IGSF5: variants seen among roughly 807,000 people sequenced by gnomAD.
IGSF5 encodes the protein immunoglobulin superfamily member 5.
IGSF5 carries 41 observed loss-of-function variants against 39.4 expected under a neutral mutation model. That is an observed-to-expected ratio of 1.04 (90% CI 0.81 to 1.35). IGSF5 has a LOEUF of 1.35. IGSF5 is among the 40% of genes most tolerant of loss of function. The pLI, the probability that IGSF5 is intolerant of heterozygous loss-of-function variation, is 0.00. For missense variants in IGSF5, 487 were observed against 494.6 expected (o/e 0.98, Z 0.15); for synonymous variants, 183 against 175.3 (o/e 1.04, Z -0.34).
At chr21:39,729,390 A>C in the IGSF5 span, 1 of 152,396 alleles carries the variant, frequency 6.6e-6, no homozygotes, top group African/African-American at 2.4e-5. Flanking sequence ...TGGGAAATGC[A>C]GTCTGCATTC....
At chr21:39,712,405 T>C in the IGSF5 span, among the ~76,000 whole-genome samples, 1 of 152,150 alleles carries the variant, frequency 6.6e-6, no homozygotes, top group Non-Finnish European at 1.5e-5. Flanking sequence ...CGGATAGTGA[T>C]GGTGCCTGAA....
intron 2 of IGSF5, among the ~76,000 whole-genome samples, chr21:39,755,342 T>C (rs1354210716): frequency 5.3e-5 from 8 of 152,050 alleles, no homozygotes; most frequent in Admixed American, 5.2e-4. Context: ...ATCCCAGCAC[T>C]TTGGGAGGCT....
chr21:39,744,708 C>A (rs1360694151), upstream of IGSF5, among the ~76,000 whole-genome samples: 3 of 152,254 alleles, frequency 2.0e-5, no homozygotes, highest in Non-Finnish European at 4.4e-5. Flanking sequence ...TGGCCCCATA[C>A]TTTAAGATTT....
chr21:39,782,537 G>A (rs1417444938), intron 5 of IGSF5, among the ~76,000 whole-genome samples: 1 of 151,924 alleles, frequency 6.6e-6, no homozygotes, highest in Admixed American at 6.6e-5. Context: ...CCCAGTCCCT[G>A]GCAACCACGA....
the IGSF5 span, among the ~76,000 whole-genome samples, chr21:39,727,390 G>A: frequency 2.0e-5 from 3 of 152,216 alleles, no homozygotes; most frequent in Non-Finnish European, 2.9e-5. Flanking sequence ...ATGGGGCTAT[G>A]GTTGCTACCA....
chr21:39,755,194 T>C (rs1407269152), intron 2 of IGSF5, among the ~76,000 whole-genome samples: 1 of 152,184 alleles, frequency 6.6e-6, no homozygotes, highest in Non-Finnish European at 1.5e-5. Context: ...AAATATGTAA[T>C]TTTTTATAAC....
chr21:39,798,118 G>A (rs554215498), intron 8 of IGSF5, among the ~76,000 whole-genome samples: 1 of 152,278 alleles, frequency 6.6e-6, no homozygotes, highest in East Asian at 1.9e-4. Flanking sequence ...TAGACATCAG[G>A]ACTCAGAGGG....
At chr21:39,726,691 A>C in the IGSF5 span, among the ~76,000 whole-genome samples, 1 of 152,162 alleles carries the variant, frequency 6.6e-6, no homozygotes, top group Non-Finnish European at 1.5e-5. Context: ...TTGCAGCTGG[A>C]GGTGATTTTC....
chr21:39,746,586 A>G (rs1051909015), intron 2 of IGSF5, among the ~76,000 whole-genome samples: 1 of 152,154 alleles, frequency 6.6e-6, no homozygotes, highest in Non-Finnish European at 1.5e-5. Flanking sequence ...ATTCTTACTA[A>G]AACCCAATAA....
At chr21:39,718,265 TC>T in the IGSF5 span, among the ~76,000 whole-genome samples, 1 of 152,230 alleles carries the variant, frequency 6.6e-6, no homozygotes, top group Non-Finnish European at 1.5e-5. Flanking sequence ...TATAGGGTTT[TC>T]TATGTATAAA....
chr21:39,764,141 T>C (rs966292678), intron 2 of IGSF5, among the ~76,000 whole-genome samples: 1 of 152,146 alleles, frequency 6.6e-6, no homozygotes, highest in African/African-American at 2.4e-5. Flanking sequence ...CCTGGCATCC[T>C]CGCCTCCTGG....
Position 39,801,598 on chromosome 21 carries a change from G to A in IGSF5, c.*241G>A, listed in dbSNP as rs918590121. On this transcript the variant is annotated 3_prime_UTR_variant, in exon 9 of 9. Coordinates refer to ENST00000380588, the MANE Select transcript of IGSF5 (RefSeq NM_001080444.2). ...TTTGTGAATTCCATGAAGTTACTAA[G>A]TAAAAGCTGCAAATTCATCATAATT... The A allele has an allele frequency of 2.7e-6, 1 of 371,390 alleles. No homozygotes were observed. The highest frequency in any genetic ancestry group is 4.2e-5 in the Admixed American group (1 of 24,092). 23.0% of individuals were successfully genotyped at this position (371,390 alleles called of 1,614,324 possible).
chr21:39,793,245 A>C (rs1417305741), intron 7 of IGSF5, among the ~76,000 whole-genome samples: 1 of 152,132 alleles, frequency 6.6e-6, no homozygotes, highest in Non-Finnish European at 1.5e-5. Flanking sequence ...TCTGGCATTT[A>C]TTTTCCTTGA....
At chr21:39,773,128 C>T (rs2080123081) in intron 4 of IGSF5, among the ~76,000 whole-genome samples, 1 of 152,150 alleles carries the variant, frequency 6.6e-6, no homozygotes, top group African/African-American at 2.4e-5. Context: ...TCCCTCCTCC[C>T]ACCCTCCACC....
At chr21:39,737,443 C>T in the IGSF5 span, among the ~76,000 whole-genome samples, 10 of 152,076 alleles carry the variant, frequency 6.6e-5, no homozygotes, top group African/African-American at 2.4e-4. Context: ...AGACAGACCC[C>T]CTGTACTTTC....
intron 4 of IGSF5, among the ~76,000 whole-genome samples, chr21:39,774,940 G>A (rs1485299227): frequency 6.6e-6 from 1 of 152,188 alleles, no homozygotes; most frequent in Non-Finnish European, 1.5e-5. Flanking sequence ...CCTGTAAAGT[G>A]GGTAGGAGAA....
upstream of IGSF5, among the ~76,000 whole-genome samples, chr21:39,745,157 A>C (rs1602360055): frequency 2.1e-5 from 3 of 145,644 alleles, no homozygotes; most frequent in South Asian, 4.3e-4. Context: ...CTCTCTCTTC[A>C]TCTCTCTCTC....
intron 2 of IGSF5, among the ~76,000 whole-genome samples, chr21:39,757,158 G>A (rs2080035331): frequency 6.6e-6 from 1 of 152,026 alleles, no homozygotes; most frequent in African/African-American, 2.4e-5. Context: ...ACCTTCCCGG[G>A]GGCTTTTCTC....
At chr21:39,737,182 GA>G in the IGSF5 span, among the ~76,000 whole-genome samples, 3,919 of 137,886 alleles carry the variant, frequency 0.028, 118 homozygotes, top group South Asian at 0.13. Context: ...TTGTTCGTGT[GA>G]AAAAAAAAAA....
Sources: gnomAD v4.1 joint callset for allele counts (sites outside exome capture counted in the v4.1 genomes callset) on GRCh38, gnomAD v4.1.1 for gene constraint, MANE v1.5 for transcripts, NCBI Gene and HGNC (gene_info 2026-07-23, HGNC 2026-07-21) for gene names.